ZNF318: variants seen among roughly 807,000 people sequenced by gnomAD.
ZNF318 encodes endocrine regulator.
Under a neutral mutation model 124.2 loss-of-function variants are expected in ZNF318, and 51 were observed. The ratio of observed to expected loss-of-function variants is 0.41; its 90% CI spans 0.33 to 0.52. The LOEUF (loss-of-function observed/expected upper bound fraction) is 0.52, where lower values mean the gene tolerates loss of function less well. Among genes scored for constraint, ZNF318 ranks in the 20% least tolerant of loss-of-function variants. The probability of loss-of-function intolerance (pLI) is 0.23; values close to 1 mark genes in which losing one functional copy is unlikely to be tolerated. For synonymous variants in ZNF318, 1,090 were observed against 1,040.7 expected, an observed-to-expected ratio of 1.05 and a Z score of -0.91; for missense variants, 2,815 against 2,811.2, an observed-to-expected ratio of 1.00 and a Z score of -0.03.
rs977457848 is a variant in ZNF318, at chr6:43,357,340, C to T, written c.974G>A (p.Arg325Gln). Reference sequence around the variant, plus strand: ...CCTACTTCGCTCCTCCTCTTCCTCTCGCTTTCGTCTGGCAAGATCCAGTTC... The same window carrying T: ...CCTACTTCGCTCCTCCTCTTCCTCTTGCTTTCGTCTGGCAAGATCCAGTTC... ...FRELDLARRK[R>Q]EEEEERSRSL... The change falls in exon 3 of 10, where the codon CGA (arginine) becomes CAA (glutamine). Residue 325 changes from arginine to glutamine, a missense_variant. This residue lies in a region of ZNF318 where 1,377 missense variants were observed against 1,353.5 expected (regional missense o/e 1.02). Coordinates refer to ENST00000361428, the MANE Select transcript of ZNF318 (RefSeq NM_014345.3). 1.4e-5 allele frequency: 23 copies of T among 1,614,092 alleles called. No individual in the cohort carries two copies. The highest frequency in any genetic ancestry group is 1.7e-5 in the Non-Finnish European group (20 of 1,180,040).
chr6:43,353,021 A>G (rs1201432595), intron 4 of ZNF318, among the ~76,000 whole-genome samples: 1 of 152,228 alleles, frequency 6.6e-6, no homozygotes, highest in Non-Finnish European at 1.5e-5. Flanking sequence ...TCTTTCAACT[A>G]TACTACTACC....
At chr6:43,363,811 T>G in intron 2 of ZNF318, 1 of 893,368 alleles carries the variant, frequency 1.1e-6, no homozygotes, top group East Asian at 2.5e-5. Context: ...CATCGGGGAC[T>G]ACAATGGCCA....
intron 4 of ZNF318, among the ~76,000 whole-genome samples, chr6:43,353,060 T>C (rs1779554648): frequency 6.6e-6 from 1 of 152,228 alleles, no homozygotes; most frequent in South Asian, 2.1e-4. Flanking sequence ...ATGGCTTGTC[T>C]ATACTATACC....
Position 43,339,289 on chromosome 6 carries a change from T to C in ZNF318, c.4709A>G (p.Asp1570Gly). 6.2e-7 allele frequency: 1 copy of C among 1,614,198 alleles called. No homozygotes were observed. The highest frequency in any genetic ancestry group is 1.1e-5 in the South Asian group (1 of 91,088). The part of the protein sequence containing the change: ...LATANAKDLY[D>G]IFYSSGGKGA... ...CTTTCCACCACTACTATAGAATATG[T>C]CATACAGGTCCTTAGCATTGGCTGT... Residue 1570 changes from aspartate to glycine, a missense_variant, in exon 10 of 10, where the codon GAC becomes GGC. By Grantham distance (94) the Asp-to-Gly change is moderately conservative. Transcript: ENST00000361428. This position sits in a 1 kb window ranked among gnomAD's most constrained non-coding sequence, Gnocchi z 4.2.
Position 43,337,864 on chromosome 6 carries a change from T to A in ZNF318, c.6134A>T (p.Glu2045Val). The change falls in exon 10 of 10, where the codon GAA becomes GTA. Residue 2045 changes from glutamate (E) to valine (V), a missense_variant. Coordinates refer to ENST00000361428, the MANE Select transcript of ZNF318 (RefSeq NM_014345.3). ...SPTVLCQKVC[E>V]ENSVSPIGCN... Reference sequence around the variant, plus strand: ...CCCTATAGGTGATACAGAATTTTCTTCACACACTTTCTGACACAAGACAGT... The same window carrying A: ...CCCTATAGGTGATACAGAATTTTCTACACACACTTTCTGACACAAGACAGT... 6.2e-7 allele frequency: 1 copy of A among 1,614,198 alleles called. No individual in the cohort carries two copies. Among genetic ancestry groups the A allele is most frequent in the Non-Finnish European group, 8.5e-7 (1 of 1,180,032 alleles).
In ZNF318 at chr6:43,336,551, G is replaced by A; in HGVS notation, c.*607C>T. The stretch of plus-strand genomic sequence containing the variant: ...CAAGAAAGGCAACAGAGTAAGGGAA[G>A]TACAGGAGTTGACATGCCAATAAGG... On this transcript the variant is annotated 3_prime_UTR_variant, in exon 10 of 10. Transcript: ENST00000361428. 6.6e-6 allele frequency: 1 copy of A among 152,222 alleles called. No individual in the cohort carries two copies. The highest frequency in any genetic ancestry group is 1.9e-4 in the East Asian group (1 of 5,204). The allele number at this position is 152,222 out of a possible 1,614,324, so 9.4% of individuals were successfully genotyped here.
intron 2 of ZNF318, among the ~76,000 whole-genome samples, chr6:43,362,871 A>T (rs1428908341): frequency 6.6e-6 from 1 of 152,232 alleles, no homozygotes. Flanking sequence ...CACTGTCAGG[A>T]GACAACCTGA....
In ZNF318 at chr6:43,369,034, C is replaced by A; in HGVS notation, c.332G>T (p.Arg111Leu). 7.1e-7 allele frequency: 1 copy of A among 1,398,874 alleles called. No individual in the cohort carries two copies. Among genetic ancestry groups the A allele is most frequent in the Admixed American group, 2.8e-5 (1 of 35,826 alleles). 86.7% of individuals were successfully genotyped at this position (1,398,874 alleles called of 1,614,324 possible). The change falls in exon 1 of 10, where the codon CGG (arginine) becomes CTG (leucine). Residue 111 changes from arginine to leucine, a missense_variant. Around this residue, in one of 4 missense-constraint regions of ZNF318, gnomAD observed 1,377 missense variants for 1,353.5 expected, o/e 1.02. Transcript: ENST00000361428. ...GGCATAGTCGGCGCGGGACTCCCCC[C>A]GGCTGCTGCCTCTGAAGCCGGCCGG... ...PGPAGFRGSS[R>L]GESRADYARD... is the part of the protein sequence containing the mutation.
At chr6:43,358,374 A>T (rs1307541025) in intron 2 of ZNF318, among the ~76,000 whole-genome samples, 1 of 149,398 alleles carries the variant, frequency 6.7e-6, no homozygotes, top group Non-Finnish European at 1.5e-5. Flanking sequence ...CAGTCTCCCG[A>T]GTAACTGGGC....
In ZNF318 at chr6:43,355,686, A is replaced by C. The variant is rs773135256; in HGVS notation, c.1648T>G (p.Ser550Ala). 6.2e-7 allele frequency: 1 copy of C among 1,614,120 alleles called. No homozygotes were observed. The highest frequency in any genetic ancestry group is 8.5e-7 in the Non-Finnish European group (1 of 1,180,020). The change falls in exon 4 of 10, where the codon TCC (serine) becomes GCC (alanine). Residue 550 changes from serine (S) to alanine (A), a missense_variant. Around this residue, in one of 4 missense-constraint regions of ZNF318, gnomAD observed 1,377 missense variants for 1,353.5 expected, o/e 1.02. Coordinates refer to ENST00000361428, the MANE Select transcript of ZNF318 (RefSeq NM_014345.3). Reference sequence around the variant, plus strand: ...GAGCTCCCAAGGGGCTTTGGTACGGATTCTGCCTTTAAATCCTCTTCTTCA... The same window carrying C: ...GAGCTCCCAAGGGGCTTTGGTACGGCTTCTGCCTTTAAATCCTCTTCTTCA... ...GDEEEDLKAE[S>A]VPKPLGSSES...
intron 6 of ZNF318, among the ~76,000 whole-genome samples, chr6:43,344,333 A>G (rs1779411010): frequency 6.6e-6 from 1 of 152,214 alleles, no homozygotes; most frequent in Non-Finnish European, 1.5e-5. Context: ...TAACCCAGCA[A>G]TTCACTCCTT....
chr6:43,363,839 A>G lies in ZNF318; in HGVS notation c.548+1453T>C, dbSNP rs141161303. 1,723 of 928,092 alleles carry G rather than the reference A, an allele frequency of 1.9e-3. 18 individuals are homozygous for G. The African/African-American group carries it at 0.024, about 13-fold the overall frequency. The allele number at this position is 928,092 out of a possible 1,614,324, so 57.5% of individuals were successfully genotyped here. A position where few individuals can be genotyped will look rare whatever the true frequency, so the allele number is the denominator to read the frequency against. ...AATGGCCACGTCGGTCTGGGTGTTA[A>G]GTGCTCCAAGGAGGTGGCCACTGCC... On this transcript the variant is annotated intron_variant, in intron 2 of 9. Transcript: ENST00000361428.
At position 43,342,847 on chromosome 6, in the gene ZNF318, A is replaced by G; in HGVS notation, c.3105T>C (p.Thr1035=). The stretch of plus-strand genomic sequence containing the variant: ...GGCTTTCGGCAGGCTTGGGGCTCTT[A>G]GTACGAAACTTCTCATTGTTTACTT... ...ESKVNNEKFR[T]KSPKPAESPQ... Residue 1035 remains threonine, a synonymous_variant, in exon 7 of 10, where the codon ACT becomes ACC. Coordinates refer to ENST00000361428, the MANE Select transcript of ZNF318 (RefSeq NM_014345.3). 6.2e-7 allele frequency: 1 copy of G among 1,613,188 alleles called. No homozygotes were observed. The highest frequency in any genetic ancestry group is 8.5e-7 in the Non-Finnish European group (1 of 1,179,272).
intron 5 of ZNF318, among the ~76,000 whole-genome samples, chr6:43,349,307 G>T (rs551552944): frequency 1.1e-4 from 17 of 151,968 alleles, no homozygotes; most frequent in Middle Eastern, 3.4e-3. Flanking sequence ...TATTTAGAGG[G>T]TAATATATTT....
At position 43,337,748 on chromosome 6, in the gene ZNF318, C is replaced by T. The variant is rs1399669326; in HGVS notation, c.6250G>A (p.Glu2084Lys). The T allele has an allele frequency of 1.2e-6, 2 of 1,614,170 alleles. No homozygotes were observed. Among genetic ancestry groups the T allele is most frequent in the East Asian group, 2.2e-5 (1 of 44,878 alleles). The change falls in exon 10 of 10, where the codon GAG (glutamate) becomes AAG (lysine). Residue 2084 changes from glutamate to lysine, a missense_variant. Physicochemically the swap from Glu to Lys is moderately conservative, Grantham distance 56. This residue lies in a region of ZNF318 where 927 missense variants were observed against 820.6 expected (regional missense o/e 1.13). Coordinates refer to ENST00000361428, the MANE Select transcript of ZNF318 (RefSeq NM_014345.3). ...GGTGAGTTTCGTTCACCCTCTGTCT[C>T]AAAGTCAAGCACCAAGGTTTTGGGA... is the stretch of plus-strand genomic sequence containing the variant. ...DSPKTLVLDFETEGERNSPNP... is the reference protein window; with the variant it reads ...DSPKTLVLDFKTEGERNSPNP...
rs1393286267 is a variant in ZNF318, at chr6:43,354,697, A to G, written c.2637T>C (p.Ser879=). Residue 879 remains serine, a synonymous_variant, in exon 4 of 10, where the codon TCT becomes TCC. Transcript: ENST00000361428. ...SLIRYNPEKI[S]DEKNRASQKQ... is the part of the protein sequence containing the mutation. ...TCTGGGAAGCACGGTTCTTCTCATC[A>G]GAGATCTTCTCTGGATTATATCTTA... 1 of 1,612,620 alleles carries G rather than the reference A, an allele frequency of 6.2e-7. No homozygotes were observed. The highest frequency in any genetic ancestry group is 8.5e-7 in the Non-Finnish European group (1 of 1,179,430).
chr6:43,354,630 A>G, intron 4 of ZNF318, 34 bp downstream of exon 4: 2 of 1,535,798 alleles, frequency 1.3e-6, no homozygotes, highest in South Asian at 2.5e-5. Context: ...AAAACAGAAA[A>G]CTCAGGCACA....
intron 6 of ZNF318, among the ~76,000 whole-genome samples, chr6:43,347,670 TAGACACTC>T (rs1779465192): frequency 6.6e-6 from 1 of 152,222 alleles, no homozygotes; most frequent in South Asian, 2.1e-4. Flanking sequence ...GTTACGTTGT[TAGACACTC>T]AGAAGACTCA....
intron 1 of ZNF318, among the ~76,000 whole-genome samples, chr6:43,366,608 G>A (rs1259486783): frequency 6.6e-6 from 1 of 152,124 alleles, no homozygotes; most frequent in East Asian, 1.9e-4. Flanking sequence ...ACCAGCCTGG[G>A]CAACATAGTG....
Sources: allele counts gnomAD v4.1 joint callset (sites outside exome capture counted in the v4.1 genomes callset), GRCh38; gene constraint gnomAD v4.1.1; regional missense constraint gnomAD v4.1.1; non-coding constraint Gnocchi (gnomAD v3.1); transcripts MANE v1.5; gene names NCBI Gene and HGNC (gene_info 2026-07-23, HGNC 2026-07-21).